ARB2A: variants seen among roughly 807,000 people sequenced by gnomAD.
The protein encoded by ARB2A is cotranscriptional regulator ARB2A.
At chr5:93,868,717 C>T in the ARB2A span, among the ~76,000 whole-genome samples, 12 of 152,046 alleles carry the variant, frequency 7.9e-5, no homozygotes, top group Admixed American at 3.3e-4. Context: ...TGTGCAAGGG[C>T]GTCTCACTTG....
At chr5:94,101,956 A>G in the ARB2A span, among the ~76,000 whole-genome samples, 1 of 152,080 alleles carries the variant, frequency 6.6e-6, no homozygotes, top group Admixed American at 6.6e-5. Flanking sequence ...TTTTTTAAAA[A>G]AAGGAATAAC....
the ARB2A span, among the ~76,000 whole-genome samples, chr5:93,855,364 G>A: frequency 6.6e-6 from 1 of 152,124 alleles, no homozygotes; most frequent in South Asian, 2.1e-4. Flanking sequence ...CTGCATGTGA[G>A]ATGGGTTTCC....
chr5:93,620,062 C>G, the ARB2A span: 2 of 152,308 alleles, frequency 1.3e-5, no homozygotes, highest in East Asian at 3.9e-4. Flanking sequence ...CCTTTCTCCA[C>G]AGAGAGATTT....
chr5:93,974,640 A>T, the ARB2A span, among the ~76,000 whole-genome samples: 2 of 152,292 alleles, frequency 1.3e-5, no homozygotes, highest in Admixed American at 6.5e-5. Context: ...ACAACAACAA[A>T]ATATATATTA....
At chr5:93,744,264 G>A in the ARB2A span, among the ~76,000 whole-genome samples, 2 of 151,244 alleles carry the variant, frequency 1.3e-5, no homozygotes, top group African/African-American at 2.4e-5. Flanking sequence ...GTGAAACCCC[G>A]TCTCTACTAA....
chr5:93,682,872 T>C, the ARB2A span: 17 of 1,465,484 alleles, frequency 1.2e-5, no homozygotes, highest in Non-Finnish European at 1.5e-5. Context: ...AGATCTTGAA[T>C]AGCCTCTTGG....
chr5:93,947,384 A>AC, the ARB2A span, among the ~76,000 whole-genome samples: 4 of 152,080 alleles, frequency 2.6e-5, no homozygotes, highest in Admixed American at 6.5e-5. Flanking sequence ...TATTTACCCT[A>AC]CCTGGTACCT....
the ARB2A span, among the ~76,000 whole-genome samples, chr5:93,936,397 C>T: frequency 2.3e-4 from 35 of 152,128 alleles, no homozygotes; most frequent in African/African-American, 8.4e-4. Context: ...TGTTCTCTGC[C>T]TTTGGATTCT....
the ARB2A span, among the ~76,000 whole-genome samples, chr5:93,971,038 G>A: frequency 6.6e-6 from 1 of 151,184 alleles, no homozygotes; most frequent in African/African-American, 2.4e-5. Context: ...TTGCACAGTT[G>A]CCCAGGCTGG....
the ARB2A span, among the ~76,000 whole-genome samples, chr5:93,931,421 G>T: frequency 2.6e-5 from 4 of 152,130 alleles, no homozygotes; most frequent in Non-Finnish European, 5.9e-5. Context: ...CCAAGATTGC[G>T]CCATTGTATT....
the ARB2A span, among the ~76,000 whole-genome samples, chr5:93,848,633 T>C: frequency 6.6e-6 from 1 of 152,146 alleles, no homozygotes; most frequent in Non-Finnish European, 1.5e-5. Flanking sequence ...TGACTAAGTA[T>C]CAGATTACTC....
the ARB2A span, among the ~76,000 whole-genome samples, chr5:94,069,950 G>GA: frequency 3.3e-5 from 5 of 152,106 alleles, no homozygotes; most frequent in Admixed American, 3.3e-4. Context: ...TGTATTCACA[G>GA]AAAAGGAATC....
the ARB2A span, among the ~76,000 whole-genome samples, chr5:93,937,451 T>A: frequency 1.0e-4 from 15 of 148,354 alleles, no homozygotes; most frequent in Admixed American, 4.0e-4. Context: ...AAAAAAAAAA[T>A]ACAAAAAAAA....
the ARB2A span, among the ~76,000 whole-genome samples, chr5:94,080,171 T>G: frequency 4.6e-5 from 7 of 151,884 alleles, no homozygotes; most frequent in Admixed American, 4.6e-4. Flanking sequence ...CACTCAAAAT[T>G]TTAGAAAAAC....
the ARB2A span, among the ~76,000 whole-genome samples, chr5:94,102,147 C>G: frequency 0.015 from 2,271 of 148,236 alleles, 55 homozygotes; most frequent in African/African-American, 0.053. Flanking sequence ...CTCCAAATGA[C>G]TGCACCACCT....
At chr5:93,853,290 T>C in the ARB2A span, among the ~76,000 whole-genome samples, 1 of 152,202 alleles carries the variant, frequency 6.6e-6, no homozygotes, top group African/African-American at 2.4e-5. Context: ...ATGTTTGTGA[T>C]TTTTGTACAT....
chr5:94,089,192 C>G, the ARB2A span, among the ~76,000 whole-genome samples: 1 of 152,184 alleles, frequency 6.6e-6, no homozygotes, highest in Non-Finnish European at 1.5e-5. Context: ...GTGACAAATG[C>G]TGAAAATACT....
the ARB2A span, among the ~76,000 whole-genome samples, chr5:94,094,549 AC>A: frequency 6.6e-6 from 1 of 152,232 alleles, no homozygotes; most frequent in African/African-American, 2.4e-5. Flanking sequence ...ATGTTTAGGG[AC>A]ATTCGTATTA....
the ARB2A span, among the ~76,000 whole-genome samples, chr5:93,681,349 C>A: frequency 1.3e-5 from 2 of 152,062 alleles, no homozygotes; most frequent in African/African-American, 4.8e-5. Context: ...CTCTATGTGG[C>A]CTATAAATTA....
Sources: gnomAD v4.1 joint callset for allele counts (sites outside exome capture counted in the v4.1 genomes callset) on GRCh38, gnomAD v4.1.1 for gene constraint, MANE v1.5 for transcripts, NCBI Gene and HGNC (gene_info 2026-07-23, HGNC 2026-07-21) for gene names.